The following DACH2 variants were observed in gnomAD, a reference collection of about 807,000 sequenced individuals.
The protein encoded by DACH2 is dachshund homolog 2.
DACH2 carries 17 observed loss-of-function variants against 35.8 expected under a neutral mutation model. That is an observed-to-expected ratio of 0.48 (90% CI 0.33 to 0.71). The LOEUF (loss-of-function observed/expected upper bound fraction) is 0.71, where lower values mean the gene tolerates loss of function less well. DACH2 is among the 30% of genes least tolerant of loss of function. The pLI is 0.02. For synonymous variants in DACH2, 195 were observed against 177.3 expected, an observed-to-expected ratio of 1.10 and a Z score of -0.79; for missense variants, 469 against 472.7, an observed-to-expected ratio of 0.99 and a Z score of 0.07.
At chrX:86,160,432 G>A (rs1237642103) in intron 1 of DACH2, 3 of 537,840 alleles carry the variant, frequency 5.6e-6, no homozygotes, top group South Asian at 4.9e-5. Flanking sequence ...CAGCATCACC[G>A]GACTTCAAGA....
At chrX:86,794,692 G>A (rs1391054352) in intron 7 of DACH2, among the ~76,000 whole-genome samples, 1 of 111,599 alleles carries the variant, frequency 9.0e-6, no homozygotes, top group Non-Finnish European at 1.9e-5. Context: ...GGCAAATGGG[G>A]GAAGAAAACA....
chrX:86,468,997 T>C (rs1328228105), intron 2 of DACH2, among the ~76,000 whole-genome samples: 6 of 111,712 alleles, frequency 5.4e-5, no homozygotes, highest in African/African-American at 2.0e-4. Context: ...GTTGTATATA[T>C]ACACAATGTA....
chrX:86,668,712 T>C (rs1178430786), intron 4 of DACH2, among the ~76,000 whole-genome samples: 1 of 111,740 alleles, frequency 8.9e-6, no homozygotes, highest in African/African-American at 3.2e-5. Flanking sequence ...AAATTGATTT[T>C]AAAAGGGAAG....
Position 86,812,970 on chromosome X carries a change from T to A in DACH2, c.1355T>A (p.Leu452Gln). The change falls in exon 8 of 12, where the codon CTG becomes CAG. Residue 452 changes from leucine to glutamine, a missense_variant. Transcript: ENST00000373125. ...GGACCATTCATTTTTGCTGATAGTC[T>A]GTCCTCCGTGGAGACTCTGTTGACC... ...FPGPFIFADSLSSVETLLTNI... is the reference protein window; with the variant it reads ...FPGPFIFADSQSSVETLLTNI... 1 of 1,204,077 alleles carries A rather than the reference T, an allele frequency of 8.3e-7. No individual in the cohort carries two copies. The highest frequency in any genetic ancestry group is 1.8e-5 in the African/African-American group (1 of 57,079).
chrX:86,391,705 C>T (rs1464348203), intron 2 of DACH2, among the ~76,000 whole-genome samples: 4 of 111,287 alleles, frequency 3.6e-5, no homozygotes, highest in African/African-American at 6.5e-5. Flanking sequence ...TTGATACATT[C>T]CCTACAAAGT....
At chrX:86,427,196 A>G (rs1000172405) in intron 2 of DACH2, among the ~76,000 whole-genome samples, 6 of 111,491 alleles carry the variant, frequency 5.4e-5, no homozygotes, top group African/African-American at 1.9e-4. Flanking sequence ...ATTGAAGTCT[A>G]GGATTGGTGG....
intron 1 of DACH2, among the ~76,000 whole-genome samples, chrX:86,193,471 A>AT (rs1230667869): frequency 9.0e-6 from 1 of 111,595 alleles, no homozygotes; most frequent in Admixed American, 9.6e-5. Flanking sequence ...GGCTGCATTA[A>AT]TTTTTCCCCT....
chrX:86,553,973 T>G (rs77447402), intron 3 of DACH2, among the ~76,000 whole-genome samples: 2 of 111,734 alleles, frequency 1.8e-5, no homozygotes, highest in African/African-American at 6.5e-5. Flanking sequence ...ATTTTTTTTT[T>G]GCTTGACAAT....
intron 4 of DACH2, among the ~76,000 whole-genome samples, chrX:86,661,887 C>A (rs187891707): frequency 3.6e-5 from 4 of 112,059 alleles, no homozygotes; most frequent in African/African-American, 9.7e-5. Flanking sequence ...ATGCAAATTT[C>A]TTGATATTCC....
intron 1 of DACH2, among the ~76,000 whole-genome samples, chrX:86,318,102 C>A (rs1399416879): frequency 3.6e-5 from 4 of 112,242 alleles, no homozygotes; most frequent in Non-Finnish European, 7.5e-5. Flanking sequence ...ATACTTGCAA[C>A]CAGTTTCTGA....
intron 11 of DACH2, among the ~76,000 whole-genome samples, chrX:86,821,697 T>G (rs147115952): frequency 0.13 from 14,619 of 110,675 alleles, 883 homozygotes; most frequent in South Asian, 0.39. Context: ...AGGGCCTGGT[T>G]GTCAAGGATT....
In DACH2 at chrX:86,173,134, C is replaced by T. The variant is rs756695955; in HGVS notation, c.488+24026C>T. Among the ~76,000 whole-genome samples the T allele has an allele frequency of 8.1e-5, 9 of 111,571 alleles. No individual in the cohort carries two copies. The East Asian group carries it at 2.3e-3, about 28-fold the overall frequency. Reference sequence around the variant, plus strand: ...AATCTTATTGTAGAGAAAACATATACACATATAAAAAAGATTATCATTCAT... The same window carrying T: ...AATCTTATTGTAGAGAAAACATATATACATATAAAAAAGATTATCATTCAT... On this transcript the variant is annotated intron_variant, in intron 1 of 11. Transcript: ENST00000373125.
At chrX:86,596,277 G>A (rs150762561) in intron 3 of DACH2, among the ~76,000 whole-genome samples, 8 of 111,501 alleles carry the variant, frequency 7.2e-5, no homozygotes, top group African/African-American at 1.3e-4. Flanking sequence ...TGGTAATCTC[G>A]TGTCTAACTT....
intron 1 of DACH2, among the ~76,000 whole-genome samples, chrX:86,292,373 C>T (rs1366375485): frequency 1.0e-5 from 1 of 95,788 alleles, no homozygotes; most frequent in Non-Finnish European, 2.1e-5. Flanking sequence ...ATTCAAAAAA[C>T]CAGCTCCTGG....
At chrX:86,622,876 A>G (rs1446364299) in intron 3 of DACH2, among the ~76,000 whole-genome samples, 1 of 111,739 alleles carries the variant, frequency 8.9e-6, no homozygotes, top group Non-Finnish European at 1.9e-5. Context: ...ATGACAACAC[A>G]TGATGATTAC....
At chrX:86,259,298 T>C (rs1467947714) in intron 1 of DACH2, among the ~76,000 whole-genome samples, 2 of 111,905 alleles carry the variant, frequency 1.8e-5, no homozygotes, top group African/African-American at 6.5e-5. Flanking sequence ...AGTTGTGAAT[T>C]TGCAATTAGT....
intron 2 of DACH2, among the ~76,000 whole-genome samples, chrX:86,415,500 T>C (rs774885551): frequency 2.1e-4 from 24 of 112,159 alleles, no homozygotes; most frequent in Non-Finnish European, 4.1e-4. Flanking sequence ...ACATCTCAGT[T>C]TTCAACAACA....
intron 6 of DACH2, among the ~76,000 whole-genome samples, chrX:86,726,148 C>A (rs187379059): frequency 1.8e-5 from 2 of 111,615 alleles, no homozygotes; most frequent in Non-Finnish European, 3.8e-5. Flanking sequence ...CCCCTCATAG[C>A]GGGAGCACCA....
At chrX:86,309,339 G>A (rs2034751929) in intron 1 of DACH2, among the ~76,000 whole-genome samples, 1 of 112,257 alleles carries the variant, frequency 8.9e-6, no homozygotes, top group African/African-American at 3.2e-5. Context: ...CCTGGTACCT[G>A]GTATGCAACC....
Sources: gnomAD v4.1 joint callset for allele counts (sites outside exome capture counted in the v4.1 genomes callset) on GRCh38, gnomAD v4.1.1 for gene constraint, MANE v1.5 for transcripts, NCBI Gene and HGNC (gene_info 2026-07-23, HGNC 2026-07-21) for gene names.